IMMP2L: variants seen among roughly 807,000 people sequenced by gnomAD.
IMMP2L encodes mitochondrial inner membrane protease subunit 2.
A neutral mutation model predicts 19.3 loss-of-function variants in IMMP2L; 18 were observed. The observed-to-expected ratio is 0.93, with a 90% confidence interval of 0.64 to 1.38. IMMP2L has a LOEUF of 1.38. Ranked by LOEUF, IMMP2L falls within the 40% of genes most tolerant of loss-of-function variation. The pLI is 0.00. For missense variants in IMMP2L, 233 were observed against 218.2 expected (o/e 1.07, Z -0.43); for synonymous variants, 76 against 73.0 (o/e 1.04, Z -0.21).
chr7:111,001,664 T>C (rs1823708942), intron 3 of IMMP2L, among the ~76,000 whole-genome samples: 1 of 152,184 alleles, frequency 6.6e-6, no homozygotes, highest in Non-Finnish European at 1.5e-5. Context: ...CCTTCACTGC[T>C]AAAACATGAT....
intron 3 of IMMP2L, among the ~76,000 whole-genome samples, chr7:110,983,625 GC>G (rs1254815520): frequency 6.6e-6 from 1 of 151,872 alleles, no homozygotes; most frequent in Non-Finnish European, 1.5e-5. Context: ...TACCTGTTTT[GC>G]TAAAATTGAA....
At chr7:110,891,682 A>G (rs1008610842) in intron 4 of IMMP2L, among the ~76,000 whole-genome samples, 2 of 152,166 alleles carry the variant, frequency 1.3e-5, no homozygotes. Context: ...GAAGAATATA[A>G]TATTTTAAAG....
chr7:111,463,762 C>T (rs185159297), intron 3 of IMMP2L, among the ~76,000 whole-genome samples: 15 of 152,308 alleles, frequency 9.8e-5, no homozygotes, highest in Non-Finnish European at 1.6e-4. Flanking sequence ...CCACCCATCC[C>T]TCTATAATGA....
intron 3 of IMMP2L, among the ~76,000 whole-genome samples, chr7:111,031,418 G>T (rs1434175547): frequency 6.7e-6 from 1 of 148,278 alleles, no homozygotes; most frequent in African/African-American, 2.6e-5. Context: ...GAGAGAAAGA[G>T]AAATCCTATA....
intron 3 of IMMP2L, among the ~76,000 whole-genome samples, chr7:111,403,220 G>A (rs1000303440): frequency 1.6e-4 from 24 of 151,780 alleles, no homozygotes; most frequent in Admixed American, 8.5e-4. Context: ...GAGTACTCAC[G>A]AGATCTCATG....
chr7:111,464,574 CAATT>C (rs1840436930), intron 3 of IMMP2L, among the ~76,000 whole-genome samples: 3 of 152,104 alleles, frequency 2.0e-5, no homozygotes, highest in Admixed American at 2.0e-4. Context: ...ACTATTAAAT[CAATT>C]AATCTATATA....
intron 3 of IMMP2L, among the ~76,000 whole-genome samples, chr7:111,055,184 G>T (rs1793394144): frequency 1.3e-5 from 2 of 152,018 alleles, no homozygotes; most frequent in Non-Finnish European, 2.9e-5. Context: ...CGAGTAGCTG[G>T]AACTACAGGT....
chr7:111,000,944 C>T (rs1353995554), intron 3 of IMMP2L, among the ~76,000 whole-genome samples: 2 of 151,714 alleles, frequency 1.3e-5, no homozygotes, highest in African/African-American at 2.4e-5. Flanking sequence ...TGCAAATGTA[C>T]CAGAATGATA....
chr7:111,175,055 A>G (rs1806890467), intron 3 of IMMP2L, among the ~76,000 whole-genome samples: 1 of 151,902 alleles, frequency 6.6e-6, no homozygotes, highest in African/African-American at 2.4e-5. Context: ...CTTTTGAAAT[A>G]TATCAGAAAT....
At chr7:110,890,689 C>T (rs258982) in intron 4 of IMMP2L, among the ~76,000 whole-genome samples, 73,013 of 151,818 alleles carry the variant, frequency 0.48, 18,339 homozygotes, top group East Asian at 0.83. Flanking sequence ...CTATGACTTG[C>T]AAATAATTTT....
chr7:111,220,482 T>G (rs575141709), intron 3 of IMMP2L, among the ~76,000 whole-genome samples: 1 of 152,094 alleles, frequency 6.6e-6, no homozygotes, highest in Non-Finnish European at 1.5e-5. Context: ...ATCAGAAAAT[T>G]TATTATATTA....
At position 111,443,843 on chromosome 7, in the gene IMMP2L, G is replaced by A. The variant is rs185401207; in HGVS notation, c.239+43395C>T. ...ACAGCCACAGTGAAAGGGGTGGAAAGTTAAAAAAGAAGGAATTTGATTTTT... is the reference window on the plus strand; with the variant it reads ...ACAGCCACAGTGAAAGGGGTGGAAAATTAAAAAAGAAGGAATTTGATTTTT... On this transcript the variant is annotated intron_variant, in intron 3 of 5. Transcript: ENST00000405709. 3.3e-5 allele frequency among the ~76,000 whole-genome samples: 5 copies of A among 152,092 alleles called. No individual in the cohort carries two copies. In the South Asian group the frequency reaches 6.2e-4, roughly 19 times the overall value.
intron 5 of IMMP2L, among the ~76,000 whole-genome samples, chr7:110,809,421 T>C (rs1457419207): frequency 2.6e-5 from 4 of 151,938 alleles, no homozygotes; most frequent in Admixed American, 2.6e-4. Flanking sequence ...TAATTATGAA[T>C]AAGATTATGA....
chr7:110,949,070 G>A (rs1158653404), intron 4 of IMMP2L, among the ~76,000 whole-genome samples: 2 of 152,122 alleles, frequency 1.3e-5, no homozygotes, highest in East Asian at 3.9e-4. Context: ...CTTGTTTTGA[G>A]ACATTTCGGC....
intron 3 of IMMP2L, among the ~76,000 whole-genome samples, chr7:111,464,124 T>G (rs978224841): frequency 6.6e-6 from 1 of 152,072 alleles, no homozygotes; most frequent in Non-Finnish European, 1.5e-5. Flanking sequence ...CTAGATTACA[T>G]AAGTCCAGTT....
chr7:111,080,543 T>C (rs6955311), intron 3 of IMMP2L, among the ~76,000 whole-genome samples: 1 of 151,862 alleles, frequency 6.6e-6, no homozygotes, highest in Non-Finnish European at 1.5e-5. Flanking sequence ...TATGTGTGTA[T>C]GTATACACAC....
At chr7:110,796,248 G>C (rs1432033085) in intron 5 of IMMP2L, among the ~76,000 whole-genome samples, 1 of 151,914 alleles carries the variant, frequency 6.6e-6, no homozygotes, top group African/African-American at 2.4e-5. Context: ...TTTATTAGCA[G>C]CATGAGAAAG....
intron 3 of IMMP2L, among the ~76,000 whole-genome samples, chr7:111,113,777 C>T (rs191522313): frequency 2.0e-5 from 3 of 152,104 alleles, no homozygotes; most frequent in Non-Finnish European, 4.4e-5. Flanking sequence ...GTCATTCAAG[C>T]AGGGGAATTT....
At chr7:110,862,739 G>A (rs1428366617) in intron 5 of IMMP2L, among the ~76,000 whole-genome samples, 2 of 151,960 alleles carry the variant, frequency 1.3e-5, no homozygotes, top group Non-Finnish European at 2.9e-5. Flanking sequence ...TCTCTGAAAA[G>A]ACCTTCAGGT....
Sources: allele counts gnomAD v4.1 joint callset (sites outside exome capture counted in the v4.1 genomes callset), GRCh38; gene constraint gnomAD v4.1.1; transcripts MANE v1.5; gene names NCBI Gene and HGNC (gene_info 2026-07-23, HGNC 2026-07-21).